Variants in SHROOM3 observed in about 807,000 individuals in gnomAD.
SHROOM3 encodes the protein shroom family member 3.
A neutral mutation model predicts 138.6 loss-of-function variants in SHROOM3; 47 were observed. That is an observed-to-expected ratio of 0.34 (90% CI 0.27 to 0.43). The LOEUF (loss-of-function observed/expected upper bound fraction) is 0.43. Among genes scored for constraint, SHROOM3 ranks in the 20% least tolerant of loss-of-function variants. SHROOM3 has a pLI of 1.00. For synonymous variants in SHROOM3, 1,062 were observed against 1,063.3 expected (o/e 1.00, Z 0.02); for missense variants, 2,491 against 2,596.5 (o/e 0.96, Z 0.88).
intron 1 of SHROOM3, among the ~76,000 whole-genome samples, chr4:76,478,422 C>G (rs1731534286): frequency 6.6e-6 from 1 of 152,246 alleles, no homozygotes; most frequent in South Asian, 2.1e-4. Flanking sequence ...CAGACTGCCT[C>G]TCTAGATTCT....
intron 1 of SHROOM3, among the ~76,000 whole-genome samples, chr4:76,483,686 A>AC (rs1384584590): frequency 6.6e-6 from 1 of 152,210 alleles, no homozygotes; most frequent in Non-Finnish European, 1.5e-5. Flanking sequence ...ATAAAGACAC[A>AC]CGCACACGTA....
chr4:76,614,523 G>A (rs1246635194), intron 2 of SHROOM3, among the ~76,000 whole-genome samples: 1 of 151,938 alleles, frequency 6.6e-6, no homozygotes, highest in Non-Finnish European at 1.5e-5. Flanking sequence ...TGCAGAATGT[G>A]CAGGTTTGTT....
chr4:76,757,908 A>G (rs1013552349), intron 8 of SHROOM3: 18 of 152,208 alleles, frequency 1.2e-4, no homozygotes, highest in African/African-American at 4.3e-4. Flanking sequence ...TGGCTTCCAG[A>G]CTAAATAAAA....
At chr4:76,498,256 CT>C (rs1409145839) in intron 1 of SHROOM3, among the ~76,000 whole-genome samples, 1 of 152,108 alleles carries the variant, frequency 6.6e-6, no homozygotes, top group Non-Finnish European at 1.5e-5. Context: ...GGGGTGACTG[CT>C]TTGTCTTAAT....
rs1352254698 is a variant in SHROOM3 at position 76,741,836 on chromosome 4, G to A, written c.3663G>A (p.Ser1221=). The change falls in exon 5 of 11, where the codon TCG becomes TCA. Residue 1221 remains serine, a synonymous_variant. Coordinates refer to ENST00000296043, the MANE Select transcript of SHROOM3 (RefSeq NM_020859.4). The surrounding 1 kb of genome is among the most constrained non-coding windows in gnomAD (Gnocchi z 6.2). ...SWGARAGKSM[S]AEDLLERSDV... ...GGGCCAGGGCCGGGAAGTCCATGTC[G>A]GCCGAGGACCTGCTGGAACGCTCGG... 2 of 1,600,356 alleles carry A rather than the reference G, an allele frequency of 1.2e-6. No homozygotes were observed. The highest frequency in any genetic ancestry group is 1.1e-5 in the South Asian group (1 of 88,424).
At chr4:76,538,178 C>T (rs556556550) in intron 1 of SHROOM3, among the ~76,000 whole-genome samples, 12 of 152,290 alleles carry the variant, frequency 7.9e-5, no homozygotes, top group African/African-American at 2.9e-4. Context: ...GGATTACAGG[C>T]GTGAGCCACT....
chr4:76,689,445 G>A (rs1278918854), intron 2 of SHROOM3: 1 of 855,056 alleles, frequency 1.2e-6, no homozygotes, highest in Non-Finnish European at 1.4e-6. Context: ...CGAGAGGTGG[G>A]CGAGCGCCCC....
chr4:76,472,464 G>GT (rs1415567256), intron 1 of SHROOM3, among the ~76,000 whole-genome samples: 1 of 152,158 alleles, frequency 6.6e-6, no homozygotes, highest in Non-Finnish European at 1.5e-5. Context: ...GGAAGCAGTG[G>GT]TGGGGCACTA....
chr4:76,763,402 A>T (rs904167434), intron 9 of SHROOM3, among the ~76,000 whole-genome samples: 4 of 151,846 alleles, frequency 2.6e-5, no homozygotes, highest in African/African-American at 9.7e-5. Flanking sequence ...AAAAAAAATT[A>T]AAAAACTAAA....
chr4:76,489,865 A>T (rs922742112), intron 1 of SHROOM3, among the ~76,000 whole-genome samples: 1 of 152,232 alleles, frequency 6.6e-6, no homozygotes, highest in Non-Finnish European at 1.5e-5. Context: ...TTGAACAAAG[A>T]ATTGGACAAA....
At chr4:76,497,075 A>T (rs1361667550) in intron 1 of SHROOM3, among the ~76,000 whole-genome samples, 2 of 152,216 alleles carry the variant, frequency 1.3e-5, no homozygotes, top group African/African-American at 4.8e-5. Flanking sequence ...TATGGAACTG[A>T]GAGTCCATTT....
intron 2 of SHROOM3, chr4:76,586,811 A>C (rs1365417887): frequency 6.6e-6 from 1 of 152,198 alleles, no homozygotes; most frequent in Non-Finnish European, 1.5e-5. Context: ...GTATAATAAG[A>C]CCAAGTCAGC....
In SHROOM3 at chr4:76,780,575, C is replaced by T. The variant is rs528289425; in HGVS notation, c.*1398C>T. On this transcript the variant is annotated 3_prime_UTR_variant, in exon 11 of 11. Coordinates refer to ENST00000296043, the MANE Select transcript of SHROOM3 (RefSeq NM_020859.4). ...ATGACAAGGGAACCAAATGCTCCTT[C>T]TCCCCTTAGTACATTTTCATTACTT... The T allele has an allele frequency of 1.3e-5, 2 of 151,642 alleles. No homozygotes were observed. The highest frequency in any genetic ancestry group is 4.8e-5 in the African/African-American group (2 of 41,288). 9.4% of individuals were successfully genotyped at this position (151,642 alleles called of 1,614,324 possible).
At chr4:76,670,851 A>G (rs547047577) in intron 2 of SHROOM3, among the ~76,000 whole-genome samples, 1 of 152,048 alleles carries the variant, frequency 6.6e-6, no homozygotes, top group East Asian at 1.9e-4. Context: ...TACTTGGGAG[A>G]TTGAAGTGGG....
intron 2 of SHROOM3, among the ~76,000 whole-genome samples, chr4:76,708,885 A>G (rs1395215353): frequency 1.3e-5 from 2 of 152,228 alleles, no homozygotes; most frequent in African/African-American, 4.8e-5. Context: ...ACCAATTTTC[A>G]AACTTCAAGT....
chr4:76,518,878 A>T (rs1033500479), intron 1 of SHROOM3, among the ~76,000 whole-genome samples: 2 of 152,214 alleles, frequency 1.3e-5, no homozygotes, highest in African/African-American at 4.8e-5. Flanking sequence ...CAGTACAAAA[A>T]GCGCAAGGGC....
chr4:76,687,128 GT>G (rs563754622), intron 2 of SHROOM3, among the ~76,000 whole-genome samples: 15 of 152,098 alleles, frequency 9.9e-5, no homozygotes, highest in Non-Finnish European at 2.1e-4. Context: ...TGAATCATCT[GT>G]CCATTAAAAT....
At chr4:76,763,399 A>AT (rs1397946249) in intron 9 of SHROOM3, among the ~76,000 whole-genome samples, 1 of 151,820 alleles carries the variant, frequency 6.6e-6, no homozygotes, top group Non-Finnish European at 1.5e-5. Context: ...AAAAAAAAAA[A>AT]TTAAAAAACT....
At chr4:76,720,032 C>T (rs895757808) in intron 3 of SHROOM3, among the ~76,000 whole-genome samples, 9 of 152,030 alleles carry the variant, frequency 5.9e-5, no homozygotes, top group Admixed American at 2.0e-4. Context: ...CCAGAAGGGA[C>T]TGTGTGTTGC....
Sources: gnomAD v4.1 joint callset for allele counts (sites outside exome capture counted in the v4.1 genomes callset) on GRCh38, gnomAD v4.1.1 for gene constraint, Gnocchi (gnomAD v3.1) non-coding constraint, MANE v1.5 for transcripts, NCBI Gene and HGNC (gene_info 2026-07-23, HGNC 2026-07-21) for gene names.